The following TRAPPC8 variants were observed in gnomAD, a reference collection of about 807,000 sequenced individuals.
TRAPPC8 encodes trafficking protein particle complex subunit 8.
Under a neutral mutation model 174.3 loss-of-function variants are expected in TRAPPC8, and 54 were observed. The observed-to-expected ratio is 0.31, with a 90% CI of 0.25 to 0.39. The LOEUF is 0.39. Ranked by LOEUF, TRAPPC8 falls within the 10% of genes least tolerant of loss-of-function variation. TRAPPC8 has a pLI of 1.00. For missense variants in TRAPPC8, 1,531 were observed against 1,699.1 expected (o/e 0.90, Z 1.74); for synonymous variants, 630 against 579.9 (o/e 1.09, Z -1.24).
chr18:31,893,023 A>C (rs7231114), intron 11 of TRAPPC8, among the ~76,000 whole-genome samples: 1 of 131,694 alleles, frequency 7.6e-6, no homozygotes, highest in Non-Finnish European at 1.7e-5. Flanking sequence ...TCTCAAAAAA[A>C]GGGAAAAAAA....
intron 1 of TRAPPC8, among the ~76,000 whole-genome samples, chr18:31,932,350 C>T (rs2037883342): frequency 6.6e-6 from 1 of 151,158 alleles, no homozygotes; most frequent in African/African-American, 2.4e-5. Flanking sequence ...TTGCTTGAAT[C>T]CGGGAGGCGG....
intron 28 of TRAPPC8, among the ~76,000 whole-genome samples, chr18:31,831,608 G>A (rs2032378142): frequency 6.6e-6 from 1 of 152,034 alleles, no homozygotes. Context: ...GTACATGAAT[G>A]CTTTTAATAT....
chr18:31,853,963 A>G lies in TRAPPC8; in HGVS notation c.3337-18T>C. 2 of 1,585,620 alleles carry G rather than the reference A, an allele frequency of 1.3e-6. No homozygotes were observed. The highest frequency in any genetic ancestry group is 2.2e-5 in the East Asian group (1 of 44,620). The stretch of plus-strand genomic sequence containing the variant: ...GCTTCACTCTGTCAAAAAAAAAGAT[A>G]GGAGTCATTCAGGATTTAGAAGCAC... On this transcript the variant is annotated intron_variant, in intron 21 of 28. Coordinates refer to ENST00000283351, the MANE Select transcript of TRAPPC8 (RefSeq NM_014939.5).
chr18:31,883,838 T>C (rs2035576591), intron 12 of TRAPPC8: 1 of 152,226 alleles, frequency 6.6e-6, no homozygotes, highest in Non-Finnish European at 1.5e-5. Flanking sequence ...CAAGCAAGCA[T>C]CTGCTTTGTT....
At chr18:31,938,236 TG>T (rs1201783317) in intron 1 of TRAPPC8, among the ~76,000 whole-genome samples, 160 of 152,190 alleles carry the variant, frequency 1.1e-3, no homozygotes, top group African/African-American at 3.8e-3. Flanking sequence ...CTTTGAAACA[TG>T]GCCAGTGGAA....
At chr18:31,886,325 T>G (rs1331420144) in intron 12 of TRAPPC8, among the ~76,000 whole-genome samples, 1 of 144,368 alleles carries the variant, frequency 6.9e-6, no homozygotes, top group Non-Finnish European at 1.5e-5. Context: ...CAAATTAATT[T>G]TTAAGTGATG....
chr18:31,830,746 T>G lies in TRAPPC8; in HGVS notation c.*9A>C. 1 of 1,605,598 alleles carries G rather than the reference T, an allele frequency of 6.2e-7. No individual in the cohort carries two copies. Among genetic ancestry groups the G allele is most frequent in the South Asian group, 1.1e-5 (1 of 90,320 alleles). On this transcript the variant is annotated 3_prime_UTR_variant, in exon 29 of 29. Coordinates refer to ENST00000283351, the MANE Select transcript of TRAPPC8 (RefSeq NM_014939.5). ...ATTATTGTGGATTTCAGTACAAATT[T>G]CCAAGTTGTCACACATTACTGATGA...
chr18:31,846,619 C>A, intron 26 of TRAPPC8, 97 bp downstream of exon 26: 2 of 934,434 alleles, frequency 2.1e-6, no homozygotes, highest in South Asian at 1.7e-5. Flanking sequence ...CTGAACAAAC[C>A]AGACCCCTTC....
At chr18:31,913,807 C>T (rs11662341) in intron 4 of TRAPPC8, among the ~76,000 whole-genome samples, 93,488 of 151,840 alleles carry the variant, frequency 0.62, 29,208 homozygotes, top group South Asian at 0.76. Flanking sequence ...TTCTGCAAGA[C>T]ACTCCTCTAC....
intron 2 of TRAPPC8, among the ~76,000 whole-genome samples, chr18:31,929,440 T>C (rs12606354): frequency 0.23 from 34,838 of 151,874 alleles, 4,827 homozygotes; most frequent in South Asian, 0.52. Context: ...GGTGAGAAGA[T>C]TGCATAAGTC....
chr18:31,873,322 TATTA>T, intron 14 of TRAPPC8, 104 bp downstream of exon 14: 2 of 924,640 alleles, frequency 2.2e-6, no homozygotes, highest in Non-Finnish European at 3.3e-6. Flanking sequence ...CCGGCTGAGC[TATTA>T]ATTTTCAAAT....
chr18:31,841,737 T>C (rs2033112395), intron 26 of TRAPPC8, among the ~76,000 whole-genome samples: 2 of 152,184 alleles, frequency 1.3e-5, no homozygotes. Flanking sequence ...CTCACAGGGT[T>C]GTAATTTTAA....
Position 31,834,088 on chromosome 18 carries a change from G to GGTTGTT in TRAPPC8, c.3984-1921_3984-1916dup, listed in dbSNP as rs35486513. Among the ~76,000 whole-genome samples, 181 of 149,028 alleles carry GGTTGTT rather than the reference G, an allele frequency of 1.2e-3. 1 individual carries two copies. In the East Asian group the frequency reaches 0.014, roughly 12 times the overall value. On this transcript the variant is annotated intron_variant, in intron 27 of 28. Transcript: ENST00000283351. ...TGCTCCTGGTCTGGGATCACATTTT[G>GGTTGTT]GTTGTTGTTGTTGTTGTTGTTGTTG...
chr18:31,921,871 TTA>T (rs1323595582), intron 2 of TRAPPC8, among the ~76,000 whole-genome samples: 5 of 152,176 alleles, frequency 3.3e-5, no homozygotes, highest in Non-Finnish European at 5.9e-5. Context: ...TTCAATATGT[TTA>T]TGTCACTTTC....
In TRAPPC8 at chr18:31,873,558, GA is replaced by G. The variant is rs762963791; in HGVS notation, c.1954-21del. Reference sequence around the variant, plus strand: ...TACATTCTGAGAGAAATATAAAAGGGAAAAAAAGTAGTTTTTGTGAAAATGG... The same window carrying G: ...TACATTCTGAGAGAAATATAAAAGGGAAAAAAGTAGTTTTTGTGAAAATGG... On this transcript the variant is annotated intron_variant, in intron 13 of 28. Coordinates refer to ENST00000283351, the MANE Select transcript of TRAPPC8 (RefSeq NM_014939.5). 3.8e-6 allele frequency: 6 copies of G among 1,559,520 alleles called. No individual in the cohort carries two copies. Among genetic ancestry groups the G allele is most frequent in the South Asian group, 1.2e-5 (1 of 84,530 alleles).
At chr18:31,940,828 T>C (rs547716749) in intron 1 of TRAPPC8, among the ~76,000 whole-genome samples, 15 of 152,262 alleles carry the variant, frequency 9.9e-5, no homozygotes, top group African/African-American at 3.4e-4. Flanking sequence ...GTGACTCACA[T>C]TATATTTCAA....
intron 12 of TRAPPC8, among the ~76,000 whole-genome samples, chr18:31,881,388 G>A (rs975800676): frequency 3.3e-5 from 5 of 152,192 alleles, no homozygotes; most frequent in African/African-American, 1.2e-4. Flanking sequence ...TAAGCAATGG[G>A]GAAAAGGACT....
chr18:31,837,802 A>T (rs1259269891), intron 27 of TRAPPC8, among the ~76,000 whole-genome samples: 1 of 152,170 alleles, frequency 6.6e-6, no homozygotes, highest in East Asian at 1.9e-4. Flanking sequence ...AAACATACTC[A>T]CATGCAATGA....
At chr18:31,835,523 A>T (rs1371392245) in intron 27 of TRAPPC8, among the ~76,000 whole-genome samples, 2 of 152,034 alleles carry the variant, frequency 1.3e-5, no homozygotes, top group African/African-American at 2.4e-5. Context: ...AAACCATGAA[A>T]TTTTTTCCCA....
Sources: allele counts gnomAD v4.1 joint callset (sites outside exome capture counted in the v4.1 genomes callset), GRCh38; gene constraint gnomAD v4.1.1; transcripts MANE v1.5; gene names NCBI Gene and HGNC (gene_info 2026-07-23, HGNC 2026-07-21).